The following EIF2D variants were observed in gnomAD, a reference collection of about 807,000 sequenced individuals.
EIF2D encodes the protein eukaryotic translation initiation factor 2D.
Under a neutral mutation model 77.4 loss-of-function variants are expected in EIF2D, and 56 were observed. The observed-to-expected ratio is 0.72, with a 90% CI of 0.58 to 0.90. The LOEUF is 0.90. Among genes scored for constraint, EIF2D ranks in the 40% least tolerant of loss-of-function variants. EIF2D has a pLI of 0.00. For synonymous variants in EIF2D, 230 were observed against 271.0 expected, an observed-to-expected ratio of 0.85 and a Z score of 1.49; for missense variants, 574 against 706.5, an observed-to-expected ratio of 0.81 and a Z score of 2.13.
chr1:206,577,938 A>G (rs1214465583), intron 4 of EIF2D, among the ~76,000 whole-genome samples: 1 of 152,186 alleles, frequency 6.6e-6, no homozygotes, highest in Non-Finnish European at 1.5e-5. Context: ...GGTTAATGTA[A>G]GCAGCCAGGC....
intron 4 of EIF2D, among the ~76,000 whole-genome samples, chr1:206,574,741 G>T (rs1668571892): frequency 6.6e-6 from 1 of 152,146 alleles, no homozygotes; most frequent in Non-Finnish European, 1.5e-5. Context: ...TGGGTCTGTG[G>T]AGTCCATTTC....
chr1:206,572,955 A>C (rs1458030337), intron 4 of EIF2D, among the ~76,000 whole-genome samples: 1 of 152,192 alleles, frequency 6.6e-6, no homozygotes, highest in African/African-American at 2.4e-5. Flanking sequence ...AGCTTTGGTC[A>C]AATGACTACT....
At chr1:206,581,561 T>C (rs2336943) in intron 2 of EIF2D, among the ~76,000 whole-genome samples, 117,432 of 151,556 alleles carry the variant, frequency 0.77, 45,674 homozygotes, top group East Asian at 0.96. Flanking sequence ...ATCGTGCCAC[T>C]GCATTCCAGC....
intron 8 of EIF2D, among the ~76,000 whole-genome samples, chr1:206,600,048 T>C (rs1553410991): frequency 6.6e-6 from 1 of 152,118 alleles, no homozygotes; most frequent in Non-Finnish European, 1.5e-5. Flanking sequence ...AGAACTCTAA[T>C]CAGATATAAA....
Position 206,593,508 on chromosome 1 carries a change from A to AGTGT in EIF2D, c.1684+107_1684+110dup, listed in dbSNP as rs782562616. 2,008 of 401,172 alleles carry AGTGT rather than the reference A, an allele frequency of 5.0e-3. 18 individuals are homozygous for AGTGT. Among genetic ancestry groups the AGTGT allele is most frequent in the African/African-American group, 0.027 (1,139 of 42,608 alleles). 24.9% of individuals were successfully genotyped at this position (401,172 alleles called of 1,614,324 possible). On this transcript the variant is annotated intron_variant, in intron 14 of 14. Coordinates refer to ENST00000271764, the MANE Select transcript of EIF2D (RefSeq NM_006893.3). ...GAGAGCGAGAGAGAGAGAGAGAGAG[A>AGTGT]GTGTGTGTGTGTGTGTGTGTGTGTG...
rs1298079325 is a variant in EIF2D, at chr1:206,575,547, T to C, written c.*255-2848A>G. Among the ~76,000 whole-genome samples the C allele has an allele frequency of 7.2e-5, 11 of 152,264 alleles. No homozygotes were observed. In the South Asian group the frequency reaches 2.1e-3, roughly 29 times the overall value. On this transcript the variant is annotated intron_variant and NMD_transcript_variant, in intron 4 of 5. Transcript: ENST00000472709. ...TCGTGGCGGTTAGAAATGTTCTTTG[T>C]GCTCCTTTAGATTGGTTATTCCTGC...
chr1:206,611,275 C>T lies in EIF2D; in HGVS notation c.156G>A (p.Lys52=). 2 of 1,614,218 alleles carry T rather than the reference C, an allele frequency of 1.2e-6. No individual in the cohort carries two copies. Among genetic ancestry groups the T allele is most frequent in the Non-Finnish European group, 1.7e-6 (2 of 1,180,038 alleles). The change falls in exon 2 of 15, where the codon AAG becomes AAA. Residue 52 remains lysine (K), a synonymous_variant. Coordinates refer to ENST00000271764, the MANE Select transcript of EIF2D (RefSeq NM_006893.3). ...CTGCATCCCCTTTGTGAGCATACAA[C>T]TTCACAATGTTGAGCTCCTCCTTTC... is the stretch of plus-strand genomic sequence containing the variant. ...VPGKEELNIV[K]LYAHKGDAVT...
intron 2 of EIF2D, among the ~76,000 whole-genome samples, chr1:206,581,664 G>A (rs1343924679): frequency 1.3e-5 from 2 of 150,266 alleles, no homozygotes; most frequent in Non-Finnish European, 2.9e-5. Context: ...AGAAAAGGAA[G>A]GAAGGAAGGA....
intron 8 of EIF2D, 144 bp downstream of exon 8, chr1:206,600,119 T>A: frequency 1.2e-6 from 1 of 845,310 alleles, no homozygotes; most frequent in South Asian, 1.8e-5. Context: ...GAGAGTTTCT[T>A]TCTTCCCCCT....
rs782231728 is a variant in EIF2D, at chr1:206,602,932, TCTC to T, written c.784+16_784+18del. 13 of 1,611,182 alleles carry T rather than the reference TCTC, an allele frequency of 8.1e-6. No homozygotes were observed. The highest frequency in any genetic ancestry group is 1.7e-5 in the Admixed American group (1 of 59,760). On this transcript the variant is annotated intron_variant, in intron 6 of 14. Transcript: ENST00000271764. ...ATTGAGAGGTGGGGAGATGGGCTCTTCTCCTCCTAGAGTTATACCTTGAAGCGT... is the reference window on the plus strand; with the variant it reads ...ATTGAGAGGTGGGGAGATGGGCTCTTCTCCTAGAGTTATACCTTGAAGCGT...
chr1:206,578,061 C>CA (rs1252367021), intron 4 of EIF2D, among the ~76,000 whole-genome samples: 1 of 135,998 alleles, frequency 7.4e-6, no homozygotes, highest in Non-Finnish European at 1.6e-5. Context: ...CTCATTTCTA[C>CA]AAAAAAATAA....
chr1:206,593,496 A>T (rs1233714908), intron 14 of EIF2D, 123 bp downstream of exon 14: 32 of 448,026 alleles, frequency 7.1e-5, no homozygotes, highest in Middle Eastern at 6.1e-4. Flanking sequence ...AGCGAGAGAG[A>T]GAGAGAGAGA....
intron 7 of EIF2D, 161 bp from the exon 8 acceptor site, chr1:206,600,469 G>A (rs1233850009): frequency 3.2e-6 from 2 of 617,392 alleles, no homozygotes; most frequent in Non-Finnish European, 5.8e-6. Context: ...AGAGAGGGAT[G>A]CAGACTATGG....
Position 206,599,334 on chromosome 1 carries a change from G to T in EIF2D, c.1202+129C>A. On this transcript the variant is annotated intron_variant, in intron 10 of 14. Coordinates refer to ENST00000271764, the MANE Select transcript of EIF2D (RefSeq NM_006893.3). This position sits in a 1 kb window ranked among gnomAD's most constrained non-coding sequence, Gnocchi z 4.1. ...GCCCAGGGAAGAAGGCTGGAAGCTG[G>T]ATTTTGGAGAAGGGGAGAACAGGGG... The T allele has an allele frequency of 7.7e-7, 1 of 1,291,444 alleles. No individual in the cohort carries two copies. The highest frequency in any genetic ancestry group is 1.1e-6 in the Non-Finnish European group (1 of 931,682). The allele number at this position is 1,291,444 out of a possible 1,614,324, so 80.0% of individuals were successfully genotyped here.
In EIF2D at chr1:206,599,960, T is replaced by A; in HGVS notation, c.949-124A>T. On this transcript the variant is annotated intron_variant, in intron 8 of 14. Transcript: ENST00000271764. The surrounding 1 kb of genome is among the most constrained non-coding windows in gnomAD (Gnocchi z 4.1). ...GGATATGAGACAGCCCCTGCCTTCA[T>A]CAACCAGGAACTGGGAGGCCCCCAA... The A allele has an allele frequency of 1.0e-6, 1 of 961,032 alleles. No individual in the cohort carries two copies. Among genetic ancestry groups the A allele is most frequent in the African/African-American group, 1.6e-5 (1 of 61,164 alleles). 59.5% of individuals were successfully genotyped at this position (961,032 alleles called of 1,614,324 possible).
chr1:206,593,512 T>TGTGTGCGTGTGTGTGTGC (rs1553409383), intron 14 of EIF2D, 107 bp downstream of exon 14: 1 of 497,378 alleles, frequency 2.0e-6, no homozygotes, highest in Non-Finnish European at 3.3e-6. Context: ...AGAGAGAGTG[T>TGTGTGCGTGTGTGTGTGC]GTGTGTGTGT....
In EIF2D at chr1:206,612,442, T is replaced by C. The variant is rs1057022622; in HGVS notation, c.-100A>G. The C allele has an allele frequency of 1.3e-6, 2 of 1,503,614 alleles. No homozygotes were observed. Among genetic ancestry groups the C allele is most frequent in the African/African-American group, 1.4e-5 (1 of 72,502 alleles). 93.1% of individuals were successfully genotyped at this position (1,503,614 alleles called of 1,614,324 possible). A position where few individuals can be genotyped will look rare whatever the true frequency, so the allele number is the denominator to read the frequency against. On this transcript the variant is annotated 5_prime_UTR_variant, in exon 1 of 15. The change abolishes an upstream ATG in the 5' untranslated region. Coordinates refer to ENST00000271764, the MANE Select transcript of EIF2D (RefSeq NM_006893.3). ...AGGCCCTCAGCCGTGGGGGCAGCCATGCTGGGGCCCGGCCGCGAAAAGGGC... is the reference window on the plus strand; with the variant it reads ...AGGCCCTCAGCCGTGGGGGCAGCCACGCTGGGGCCCGGCCGCGAAAAGGGC...
intron 14 of EIF2D, 131 bp downstream of exon 14, chr1:206,593,478 AGAGAGAGAGC>A (rs1324937752): frequency 1.9e-6 from 1 of 525,182 alleles, no homozygotes. Flanking sequence ...AGAGAGAGAG[AGAGAGAGAGC>A]GAGAGAGAGA....
rs1670546376 is a variant in EIF2D at position 206,612,378 on chromosome 1, G to A, written c.-36C>T. On this transcript the variant is annotated 5_prime_UTR_variant, in exon 1 of 15. Transcript: ENST00000271764. ...GTGGCCTGGGGAAGAGAGCACAGAAGCCAGGGAATGTCAAGAAAGCGAGGG... is the reference window on the plus strand; with the variant it reads ...GTGGCCTGGGGAAGAGAGCACAGAAACCAGGGAATGTCAAGAAAGCGAGGG... 6.2e-7 allele frequency: 1 copy of A among 1,613,934 alleles called. No individual in the cohort carries two copies. The highest frequency in any genetic ancestry group is 8.5e-7 in the Non-Finnish European group (1 of 1,179,754).
Sources: gnomAD v4.1 joint callset for allele counts (sites outside exome capture counted in the v4.1 genomes callset) on GRCh38, gnomAD v4.1.1 for gene constraint, Gnocchi (gnomAD v3.1) non-coding constraint, MANE v1.5 for transcripts, NCBI Gene and HGNC (gene_info 2026-07-23, HGNC 2026-07-21) for gene names.